The following MYO9B variants were observed in gnomAD, a reference collection of about 807,000 sequenced individuals.
The protein encoded by MYO9B is unconventional myosin-IXb.
MYO9B carries 71 observed loss-of-function variants against 229.5 expected under a neutral mutation model. The ratio of observed to expected loss-of-function variants is 0.31; its 90% CI spans 0.26 to 0.38. The LOEUF (loss-of-function observed/expected upper bound fraction) is 0.38, where lower values mean the gene tolerates loss of function less well. MYO9B is among the 10% of genes least tolerant of loss of function. The pLI, the probability that MYO9B is intolerant of heterozygous loss-of-function variation, is 1.00. For missense variants in MYO9B, 2,255 were observed against 2,920.5 expected (o/e 0.77, Z 5.25); for synonymous variants, 1,185 against 1,235.8 (o/e 0.96, Z 0.86).
chr19:17,163,435 A>G (rs1216297972), intron 10 of MYO9B, among the ~76,000 whole-genome samples: 2 of 142,796 alleles, frequency 1.4e-5, no homozygotes, highest in Non-Finnish European at 3.0e-5. Flanking sequence ...GAGTGGTATA[A>G]TCATAGCTTA....
At chr19:17,157,160 C>A (rs1031568125) in intron 7 of MYO9B, 122 bp downstream of exon 7, 1 of 1,215,944 alleles carries the variant, frequency 8.2e-7, no homozygotes, top group Non-Finnish European at 1.1e-6. Context: ...CAGGACCTCA[C>A]GTCTTCCGCT....
Position 17,195,049 on chromosome 19 carries a change from A to G in MYO9B, c.3622A>G (p.Thr1208Ala), listed in dbSNP as rs1183839149. Reference sequence around the variant, plus strand: ...AGATGAAACCCTTCTAGTCGTAGAGACGGAGGCTGAGAACACATCTCAAAA... The same window carrying G: ...AGATGAAACCCTTCTAGTCGTAGAGGCGGAGGCTGAGAACACATCTCAAAA... Reference protein sequence around the residue: ...REDETLLVVETEAENTSQKQP... With the variant: ...REDETLLVVEAEAENTSQKQP... The change falls in exon 22 of 40, where the codon ACG becomes GCG. Residue 1208 changes from threonine to alanine, a missense_variant. This residue lies in a region of MYO9B where 679 missense variants were observed against 770.2 expected (regional missense o/e 0.88). Coordinates refer to ENST00000682292, the MANE Select transcript of MYO9B (RefSeq NM_004145.4). This position sits in a 1 kb window ranked among gnomAD's most constrained non-coding sequence, Gnocchi z 4.5. 5 of 1,613,030 alleles carry G rather than the reference A, an allele frequency of 3.1e-6. No individual in the cohort carries two copies. The South Asian group carries it at 4.4e-5, about 14-fold the overall frequency.
chr19:17,157,974 G>C (rs10409461), intron 7 of MYO9B, among the ~76,000 whole-genome samples: 1 of 151,894 alleles, frequency 6.6e-6, no homozygotes, highest in Non-Finnish European at 1.5e-5. Context: ...GCCAGGGGCA[G>C]TTCTGCCCCT....
chr19:17,160,398 A>G (rs2072585248), intron 8 of MYO9B, among the ~76,000 whole-genome samples: 1 of 152,118 alleles, frequency 6.6e-6, no homozygotes, highest in South Asian at 2.1e-4. Context: ...AGGGGGACAC[A>G]TTCTAGATCT....
chr19:17,131,817 A>G (rs2072199780), intron 2 of MYO9B, among the ~76,000 whole-genome samples: 1 of 150,030 alleles, frequency 6.7e-6, no homozygotes, highest in Non-Finnish European at 1.5e-5. Flanking sequence ...ATTATGACCA[A>G]TAGCTTTATG....
chr19:17,096,189 G>A (rs1227086133), intron 1 of MYO9B, among the ~76,000 whole-genome samples: 2 of 152,128 alleles, frequency 1.3e-5, no homozygotes, highest in Non-Finnish European at 2.9e-5. Context: ...CATATTCCAT[G>A]GTGTGGTCAG....
At chr19:17,164,381 G>A (rs1306872580) in intron 10 of MYO9B, among the ~76,000 whole-genome samples, 5 of 141,808 alleles carry the variant, frequency 3.5e-5, no homozygotes, top group African/African-American at 5.5e-5. Context: ...CCTATCTGAC[G>A]TGTCTTTTTT....
At chr19:17,174,949 TAAATAA>T (rs1568285625) in intron 13 of MYO9B, among the ~76,000 whole-genome samples, 2 of 149,846 alleles carry the variant, frequency 1.3e-5, no homozygotes, top group Non-Finnish European at 3.0e-5. Flanking sequence ...AATAAATAAA[TAAATAA>T]TAAATTAATT....
intron 3 of MYO9B, among the ~76,000 whole-genome samples, chr19:17,152,421 G>C (rs994938670): frequency 6.8e-6 from 1 of 148,120 alleles, no homozygotes; most frequent in African/African-American, 2.5e-5. Context: ...GCTGGGTGGG[G>C]GTTGGCACAC....
chr19:17,149,697 C>G (rs2072455850), intron 3 of MYO9B, among the ~76,000 whole-genome samples: 1 of 152,210 alleles, frequency 6.6e-6, no homozygotes, highest in Admixed American at 6.5e-5. Context: ...GGGTCAGGCA[C>G]AGTCCAAGCC....
At chr19:17,141,585 G>A (rs2072340556) in intron 2 of MYO9B, among the ~76,000 whole-genome samples, 1 of 151,986 alleles carries the variant, frequency 6.6e-6, no homozygotes, top group African/African-American at 2.4e-5. Flanking sequence ...CTAAACGAAA[G>A]AGCCCCCACC....
At chr19:17,181,069 A>G in intron 15 of MYO9B, 29 bp downstream of exon 15, 1 of 1,514,918 alleles carries the variant, frequency 6.6e-7, no homozygotes, top group Non-Finnish European at 9.1e-7. Context: ...CCCTGCTTAC[A>G]AGTGCGACAA....
intron 2 of MYO9B, among the ~76,000 whole-genome samples, chr19:17,123,080 C>T (rs1599345946): frequency 6.6e-6 from 1 of 152,154 alleles, no homozygotes; most frequent in African/African-American, 2.4e-5. Flanking sequence ...GAGCAAGATC[C>T]TGTCTCAGTA....
At chr19:17,196,147 T>TGGGG (rs1418692524) in intron 22 of MYO9B, among the ~76,000 whole-genome samples, 6 of 10,758 alleles carry the variant, frequency 5.6e-4, no homozygotes, top group African/African-American at 1.0e-3. Context: ...GATGTGTGGG[T>TGGGG]GGGTGGGTGG....
chr19:17,206,163 T>C lies in MYO9B; in HGVS notation c.5257+11T>C. The C allele has an allele frequency of 6.2e-7, 1 of 1,608,552 alleles. No individual in the cohort carries two copies. Among genetic ancestry groups the C allele is most frequent in the East Asian group, 2.2e-5 (1 of 44,766 alleles). ...AGGCGCTGCAGACAGGTGGGCGCTG[T>C]GGGCAGGTGGGTGCAGTGCCAGGCC... On this transcript the variant is annotated intron_variant, in intron 32 of 39. Transcript: ENST00000682292.
At position 17,193,119 on chromosome 19, in the gene MYO9B, A is replaced by C; in HGVS notation, c.3128+57A>C. Reference sequence around the variant, plus strand: ...ATTCCAGAAGCCAAAAAGGTCACTCACCAAATTGCTGCCCGTGATATACCA... The same window carrying C: ...ATTCCAGAAGCCAAAAAGGTCACTCCCCAAATTGCTGCCCGTGATATACCA... On this transcript the variant is annotated intron_variant, in intron 21 of 39. Transcript: ENST00000682292. This position sits in a 1 kb window ranked among gnomAD's most constrained non-coding sequence, Gnocchi z 4.3. 9 of 1,413,804 alleles carry C rather than the reference A, an allele frequency of 6.4e-6. No individual in the cohort carries two copies. The highest frequency in any genetic ancestry group is 8.3e-6 in the Non-Finnish European group (9 of 1,082,282). 87.6% of individuals were successfully genotyped at this position (1,413,804 alleles called of 1,614,324 possible).
At position 17,103,957 on chromosome 19, in the gene MYO9B, G is replaced by A. The variant is rs542261697; in HGVS notation, c.840+1400G>A. On this transcript the variant is annotated intron_variant, in intron 2 of 39. Transcript: ENST00000682292. ...TGTAATCCCAGCTACTCGGGAGGCT[G>A]AGGCAGGAGAATCGCTTGAACCCGG... Among the ~76,000 whole-genome samples the A allele has an allele frequency of 7.2e-5, 11 of 151,844 alleles. No individual in the cohort carries two copies. The East Asian group carries it at 2.1e-3, about 29-fold the overall frequency.
intron 11 of MYO9B, among the ~76,000 whole-genome samples, chr19:17,168,985 C>T (rs569123642): frequency 6.6e-6 from 1 of 152,224 alleles, no homozygotes; most frequent in Admixed American, 6.5e-5. Flanking sequence ...TGACACATAC[C>T]GAACTACTTT....
chr19:17,159,408 T>A lies in MYO9B; in HGVS notation c.1343T>A (p.Ile448Asn), dbSNP rs1568278851. The A allele has an allele frequency of 6.2e-7, 1 of 1,607,736 alleles. No homozygotes were observed. The highest frequency in any genetic ancestry group is 1.7e-5 in the Admixed American group (1 of 58,906). Residue 448 changes from isoleucine to asparagine, a missense_variant, in exon 8 of 40, where the codon ATC becomes AAC. Physicochemically the swap from Ile to Asn is moderately radical, Grantham distance 149. Transcript: ENST00000682292. ...LSQLLKVKRE[I>N]LVEVLTKRKT... is the part of the protein sequence containing the mutation. ...ACCTCCAAACAGGTGAAGCGAGAAA[T>A]CTTGGTGGAGGTTCTGACCAAAAGA...
Sources: allele counts gnomAD v4.1 joint callset (sites outside exome capture counted in the v4.1 genomes callset), GRCh38; gene constraint gnomAD v4.1.1; regional missense constraint gnomAD v4.1.1; non-coding constraint Gnocchi (gnomAD v3.1); transcripts MANE v1.5; gene names NCBI Gene and HGNC (gene_info 2026-07-23, HGNC 2026-07-21).